The following SLC41A2 variants were observed in gnomAD, a reference collection of about 807,000 sequenced individuals.
The protein encoded by SLC41A2 is SLC41A1-like 1.
Under a neutral mutation model 58.3 loss-of-function variants are expected in SLC41A2, and 32 were observed. That is an observed-to-expected ratio of 0.55 (90% CI 0.41 to 0.74). The LOEUF (loss-of-function observed/expected upper bound fraction) is 0.74. Among genes scored for constraint, SLC41A2 ranks in the 30% least tolerant of loss-of-function variants. The pLI, the probability that SLC41A2 is intolerant of heterozygous loss-of-function variation, is 0.00. For synonymous variants in SLC41A2, 190 were observed against 235.0 expected, an observed-to-expected ratio of 0.81 and a Z score of 1.75; for missense variants, 514 against 680.6, an observed-to-expected ratio of 0.76 and a Z score of 2.72.
intron 10 of SLC41A2, among the ~76,000 whole-genome samples, chr12:104,826,474 G>C (rs576860381): frequency 6.6e-6 from 1 of 152,296 alleles, no homozygotes; most frequent in African/African-American, 2.4e-5. Flanking sequence ...CAAGTGGCAA[G>C]GCCAGGAAAT....
intron 8 of SLC41A2, among the ~76,000 whole-genome samples, chr12:104,850,206 A>G (rs1344736871): frequency 6.6e-6 from 1 of 152,190 alleles, no homozygotes; most frequent in African/African-American, 2.4e-5. Flanking sequence ...TCCCTCCAAA[A>G]AAAAGTGATG....
chr12:104,889,625 C>G (rs562866531), intron 4 of SLC41A2, among the ~76,000 whole-genome samples: 1 of 152,248 alleles, frequency 6.6e-6, no homozygotes, highest in East Asian at 1.9e-4. Context: ...CTCATTCATT[C>G]AAGGAGTATT....
intron 1 of SLC41A2, among the ~76,000 whole-genome samples, chr12:104,943,644 C>A (rs1292041264): frequency 6.6e-6 from 1 of 152,142 alleles, no homozygotes; most frequent in Non-Finnish European, 1.5e-5. Context: ...TGCCCCAATT[C>A]AGCAGGAAGC....
At chr12:104,929,428 G>A (rs938506961) in intron 1 of SLC41A2, among the ~76,000 whole-genome samples, 1 of 152,150 alleles carries the variant, frequency 6.6e-6, no homozygotes, top group Non-Finnish European at 1.5e-5. Context: ...AGCTTGTAAC[G>A]CACTTATTTA....
chr12:104,853,911 A>ATTATTATTATTATTATTATTTTTTTTTT, intron 8 of SLC41A2, among the ~76,000 whole-genome samples: 1 of 59,494 alleles, frequency 1.7e-5, no homozygotes, highest in African/African-American at 6.9e-5. Context: ...TGCCTGGCTG[A>ATTATTATTATTATTATTATTTTTTTTTT]TTTTTTTTTT....
intron 6 of SLC41A2, among the ~76,000 whole-genome samples, chr12:104,875,237 G>T (rs1370842704): frequency 6.6e-6 from 1 of 152,176 alleles, no homozygotes; most frequent in Non-Finnish European, 1.5e-5. Flanking sequence ...TTGCAGCTGT[G>T]TTCATCAGAA....
At chr12:104,938,951 A>C (rs2135935598) in intron 1 of SLC41A2, among the ~76,000 whole-genome samples, 1 of 152,338 alleles carries the variant, frequency 6.6e-6, no homozygotes, top group Non-Finnish European at 1.5e-5. Flanking sequence ...ATTTCCTCCC[A>C]AAATTTTACA....
rs996167026 is a variant in SLC41A2 at position 104,803,177 on chromosome 12, G to A, written c.*1975C>T. On this transcript the variant is annotated 3_prime_UTR_variant, in exon 11 of 11. Coordinates refer to ENST00000258538, the MANE Select transcript of SLC41A2 (RefSeq NM_001352171.3). ...ATCAAAATAGAAATCATTGGGAAAT[G>A]TAAATGTTTATGAATCTTACAGCTC... 6.6e-6 allele frequency: 1 copy of A among 152,106 alleles called. No individual in the cohort carries two copies. The highest frequency in any genetic ancestry group is 1.5e-5 in the Non-Finnish European group (1 of 67,984). 9.4% of individuals were successfully genotyped at this position (152,106 alleles called of 1,614,324 possible).
intron 7 of SLC41A2, among the ~76,000 whole-genome samples, chr12:104,864,956 T>C (rs1257224401): frequency 6.6e-6 from 1 of 152,110 alleles, no homozygotes; most frequent in Non-Finnish European, 1.5e-5. Context: ...CTTTATGAAA[T>C]GTCTAGCAAT....
intron 8 of SLC41A2, among the ~76,000 whole-genome samples, chr12:104,857,167 A>G (rs2043048718): frequency 6.6e-6 from 1 of 152,248 alleles, no homozygotes; most frequent in Admixed American, 6.5e-5. Context: ...CTTATCCTAT[A>G]TGTAAAGTGG....
intron 10 of SLC41A2, among the ~76,000 whole-genome samples, chr12:104,826,754 T>C (rs2136262533): frequency 6.6e-6 from 1 of 152,288 alleles, no homozygotes; most frequent in South Asian, 2.1e-4. Flanking sequence ...CCCTGATAGA[T>C]ATATAGAGGC....
At chr12:104,918,643 A>AC (rs1375693996) in intron 2 of SLC41A2, among the ~76,000 whole-genome samples, 87 of 151,512 alleles carry the variant, frequency 5.7e-4, no homozygotes, top group Non-Finnish European at 1.1e-3. Flanking sequence ...AAAAAAAAAA[A>AC]AAAACTAAAA....
chr12:104,802,860 A>C lies in SLC41A2; in HGVS notation c.*2292T>G, dbSNP rs1401674263. 6.6e-6 allele frequency: 1 copy of C among 152,144 alleles called. No individual in the cohort carries two copies. Among genetic ancestry groups the C allele is most frequent in the African/African-American group, 2.4e-5 (1 of 41,448 alleles). 9.4% of individuals were successfully genotyped at this position (152,144 alleles called of 1,614,324 possible). The stretch of plus-strand genomic sequence containing the variant: ...TGAATTAGTTAGGTAGTTTTGGTAC[A>C]TTTGGAGGGTCATAAACATGTCATA... On this transcript the variant is annotated 3_prime_UTR_variant, in exon 11 of 11. Transcript: ENST00000258538.
rs1437992334 is a variant in SLC41A2 at position 104,866,588 on chromosome 12, A to T, written c.1028-9T>A. 9 of 15,720 alleles carry T rather than the reference A, an allele frequency of 5.7e-4. No individual in the cohort carries two copies. The highest frequency in any genetic ancestry group is 2.5e-3 in the South Asian group (3 of 1,178). 1.0% of individuals were successfully genotyped at this position (15,720 alleles called of 1,614,324 possible). ...AATGTAGTAATAGGTCTCTAAAATTAAAAAAAAAAAAAAAAAGAGAGACAA... is the reference window on the plus strand; with the variant it reads ...AATGTAGTAATAGGTCTCTAAAATTTAAAAAAAAAAAAAAAAGAGAGACAA... On this transcript the variant is annotated splice_polypyrimidine_tract_variant and intron_variant, in intron 6 of 10. Coordinates refer to ENST00000258538, the MANE Select transcript of SLC41A2 (RefSeq NM_001352171.3).
intron 10 of SLC41A2, among the ~76,000 whole-genome samples, chr12:104,824,762 C>T (rs1195255494): frequency 1.3e-5 from 2 of 152,174 alleles, no homozygotes; most frequent in East Asian, 1.9e-4. Context: ...TGTCTGTATG[C>T]TCCCCTAGAG....
chr12:104,841,322 G>GTT (rs5800639), intron 10 of SLC41A2, among the ~76,000 whole-genome samples: 62 of 148,350 alleles, frequency 4.2e-4, no homozygotes, highest in South Asian at 6.4e-4. Flanking sequence ...AAAAATCTAG[G>GTT]TTTTTTTTTT....
Position 104,803,648 on chromosome 12 carries a change from A to T in SLC41A2, c.*1504T>A, listed in dbSNP as rs2040775797. The T allele has an allele frequency of 6.6e-6, 1 of 152,186 alleles. No individual in the cohort carries two copies. The highest frequency in any genetic ancestry group is 6.5e-5 in the Admixed American group (1 of 15,272). The allele number at this position is 152,186 out of a possible 1,614,324, so 9.4% of individuals were successfully genotyped here. A position where few individuals can be genotyped will look rare whatever the true frequency, so the allele number is the denominator to read the frequency against. Reference sequence around the variant, plus strand: ...TAACGGTCTTGAGAGATTGAATTTTAAAAAATGAACCACATGTACTTTAAA... The same window carrying T: ...TAACGGTCTTGAGAGATTGAATTTTTAAAAATGAACCACATGTACTTTAAA... On this transcript the variant is annotated 3_prime_UTR_variant, in exon 11 of 11. Coordinates refer to ENST00000258538, the MANE Select transcript of SLC41A2 (RefSeq NM_001352171.3).
intron 1 of SLC41A2, among the ~76,000 whole-genome samples, chr12:104,930,204 G>GCATTGAGACTC (rs11270519): frequency 2.0e-5 from 3 of 151,654 alleles, no homozygotes; most frequent in African/African-American, 7.3e-5. Flanking sequence ...CTGTGGACTT[G>GCATTGAGACTC]CAATGAGTAG....
At chr12:104,927,159 T>C (rs921648199) in intron 2 of SLC41A2, among the ~76,000 whole-genome samples, 12 of 152,316 alleles carry the variant, frequency 7.9e-5, no homozygotes, top group African/African-American at 2.9e-4. Flanking sequence ...TACAAATTTT[T>C]TGGAATGCGA....
Sources: allele counts gnomAD v4.1 joint callset (sites outside exome capture counted in the v4.1 genomes callset), GRCh38; gene constraint gnomAD v4.1.1; transcripts MANE v1.5; gene names NCBI Gene and HGNC (gene_info 2026-07-23, HGNC 2026-07-21).